DGKD: variants seen among roughly 807,000 people sequenced by gnomAD.
The protein encoded by DGKD is DAG kinase delta.
Under a neutral mutation model 154.4 loss-of-function variants are expected in DGKD, and 68 were observed. The ratio of observed to expected loss-of-function variants is 0.44; its 90% CI spans 0.36 to 0.54. The LOEUF (loss-of-function observed/expected upper bound fraction) is 0.54. DGKD is among the 20% of genes least tolerant of loss of function. DGKD has a pLI of 0.00. For missense variants in DGKD, 1,343 were observed against 1,593.6 expected (o/e 0.84, Z 2.68); for synonymous variants, 693 against 638.0 (o/e 1.09, Z -1.30).
intron 3 of DGKD, among the ~76,000 whole-genome samples, chr2:233,398,788 C>G (rs1277624568): frequency 6.6e-6 from 1 of 152,118 alleles, no homozygotes; most frequent in African/African-American, 2.4e-5. Context: ...CCACACCCGG[C>G]TAATTTTTGT....
At chr2:233,378,085 G>T (rs1221956148) in intron 1 of DGKD, among the ~76,000 whole-genome samples, 4 of 151,776 alleles carry the variant, frequency 2.6e-5, no homozygotes, top group Admixed American at 6.6e-5. Context: ...TGGACCACAG[G>T]TGTGCACCAC....
rs2063505790 is a variant in DGKD at position 233,457,744 on chromosome 2, A to T, written c.2580+416A>T. 5.4e-6 allele frequency: 2 copies of T among 373,022 alleles called. No homozygotes were observed. Among genetic ancestry groups the T allele is most frequent in the South Asian group, 4.0e-5 (2 of 49,584 alleles). The allele number at this position is 373,022 out of a possible 1,614,324, so 23.1% of individuals were successfully genotyped here. A position where few individuals can be genotyped will look rare whatever the true frequency, so the allele number is the denominator to read the frequency against. On this transcript the variant is annotated intron_variant, in intron 21 of 29. Transcript: ENST00000264057. The surrounding 1 kb of genome is among the most constrained non-coding windows in gnomAD (Gnocchi z 5.5). ...AGGGCAGGCACATGGAGGATGGGAG[A>T]GAGGTGCCCCGACTGCAGTGGGCAG...
intron 3 of DGKD, among the ~76,000 whole-genome samples, chr2:233,420,259 G>A (rs960654719): frequency 1.3e-5 from 2 of 152,126 alleles, no homozygotes; most frequent in East Asian, 1.9e-4. Context: ...TTAACCTTCC[G>A]TATGGCTAAA....
chr2:233,436,226 C>A (rs2125593887), intron 6 of DGKD, 90 bp from the exon 7 acceptor site: 1 of 1,579,260 alleles, frequency 6.3e-7, no homozygotes, highest in South Asian at 1.2e-5. Flanking sequence ...GGGAAGAATG[C>A]CTTGGCTGAG....
chr2:233,418,356 GC>G (rs1185638861), intron 3 of DGKD, among the ~76,000 whole-genome samples: 2 of 152,010 alleles, frequency 1.3e-5, no homozygotes, highest in African/African-American at 2.4e-5. Flanking sequence ...CCTGCCAGAG[GC>G]CCCCCCGCCA....
chr2:233,366,569 C>T (rs1702036728), intron 1 of DGKD, among the ~76,000 whole-genome samples: 1 of 152,144 alleles, frequency 6.6e-6, no homozygotes, highest in Non-Finnish European at 1.5e-5. Context: ...TATCCTGGAA[C>T]CTCTTATTCT....
At chr2:233,378,124 A>G (rs1369354016) in intron 1 of DGKD, among the ~76,000 whole-genome samples, 1 of 147,184 alleles carries the variant, frequency 6.8e-6, no homozygotes, top group African/African-American at 2.5e-5. Context: ...TTTTTTTTCT[A>G]AATTTGAGGC....
chr2:233,390,180 T>A (rs78999970), intron 2 of DGKD, among the ~76,000 whole-genome samples: 14,672 of 152,168 alleles, frequency 0.096, 974 homozygotes, highest in South Asian at 0.32. Context: ...TAGATTTTTT[T>A]AAAAAAATCA....
chr2:233,444,687 C>T (rs2063007171), intron 10 of DGKD, among the ~76,000 whole-genome samples: 1 of 148,994 alleles, frequency 6.7e-6, no homozygotes, highest in African/African-American at 2.5e-5. Flanking sequence ...CTGCTCGCTC[C>T]TGCCTCCCCT....
chr2:233,449,470 T>A lies in DGKD; in HGVS notation c.1888+94T>A, dbSNP rs2063197473. On this transcript the variant is annotated intron_variant, in intron 15 of 29. Transcript: ENST00000264057. This position sits in a 1 kb window ranked among gnomAD's most constrained non-coding sequence, Gnocchi z 5.3. ...CACGGAGATGACAGAAGGGTGCATG[T>A]TGAGAAAACCTCCACTGCGGCCCTC... 5.5e-6 allele frequency: 8 copies of A among 1,466,592 alleles called. No homozygotes were observed. Among genetic ancestry groups the A allele is most frequent in the Non-Finnish European group, 7.2e-6 (8 of 1,104,418 alleles). The allele number at this position is 1,466,592 out of a possible 1,614,324, so 90.8% of individuals were successfully genotyped here.
At chr2:233,454,490 T>C (rs2063392313) in intron 18 of DGKD, 1 of 497,876 alleles carries the variant, frequency 2.0e-6, no homozygotes, top group Non-Finnish European at 4.0e-6. Flanking sequence ...TAGTTGCTGA[T>C]GGCAGGAGTA....
intron 3 of DGKD, among the ~76,000 whole-genome samples, chr2:233,423,816 C>A (rs182860728): frequency 3.3e-5 from 5 of 152,140 alleles, no homozygotes; most frequent in Non-Finnish European, 7.3e-5. Context: ...ACCCACCCCC[C>A]CAGTATCCAT....
At chr2:233,386,071 G>A (rs994743512) in intron 1 of DGKD, 2 of 443,820 alleles carry the variant, frequency 4.5e-6, no homozygotes, top group South Asian at 1.6e-5. Flanking sequence ...TATGAGATGT[G>A]TAGCAGGAGA....
In DGKD at chr2:233,462,737, T is replaced by A; in HGVS notation, c.3186+2T>A. 6.2e-7 allele frequency: 1 copy of A among 1,612,732 alleles called. No individual in the cohort carries two copies. The highest frequency in any genetic ancestry group is 8.5e-7 in the Non-Finnish European group (1 of 1,179,352). ...CTGCTGTCTGGGAAGATGGCCCTGG[T>A]AAGCTGGTGCCCCAGGGACAGCAGG... On this transcript the variant is annotated splice_donor_variant, in intron 26 of 29. Transcript: ENST00000264057. LOFTEE classifies it high-confidence loss of function.
At chr2:233,402,270 TTGCAAGTGGG>T (rs933381590) in intron 3 of DGKD, among the ~76,000 whole-genome samples, 1 of 152,216 alleles carries the variant, frequency 6.6e-6, no homozygotes, top group Admixed American at 6.5e-5. Flanking sequence ...CCCCAGAAGT[TTGCAAGTGGG>T]TGCTTTTTCA....
At chr2:233,380,855 T>C (rs1224114552) in intron 1 of DGKD, among the ~76,000 whole-genome samples, 2 of 152,024 alleles carry the variant, frequency 1.3e-5, no homozygotes, top group East Asian at 1.9e-4. Context: ...TTCCTCACAT[T>C]AGTGGGGGCA....
intron 3 of DGKD, among the ~76,000 whole-genome samples, chr2:233,394,921 G>T (rs1004298675): frequency 6.6e-6 from 1 of 151,594 alleles, no homozygotes; most frequent in Non-Finnish European, 1.5e-5. Flanking sequence ...GCCTTGGCTG[G>T]TCTCTAACTT....
In DGKD at chr2:233,445,535, C is replaced by T. The variant is rs2063036608; in HGVS notation, c.1195-88C>T. 9 of 1,498,184 alleles carry T rather than the reference C, an allele frequency of 6.0e-6. No individual in the cohort carries two copies. The highest frequency in any genetic ancestry group is 8.0e-6 in the Non-Finnish European group (9 of 1,120,896). The allele number at this position is 1,498,184 out of a possible 1,614,324, so 92.8% of individuals were successfully genotyped here. On this transcript the variant is annotated intron_variant, in intron 10 of 29. Coordinates refer to ENST00000264057, the MANE Select transcript of DGKD (RefSeq NM_152879.3). The surrounding 1 kb of genome is among the most constrained non-coding windows in gnomAD (Gnocchi z 5.5). ...GTCCCCACATTGCTAACGTAACCCTCACGGTGGGGGACAAGGAGGGCTGCG... is the reference window on the plus strand; with the variant it reads ...GTCCCCACATTGCTAACGTAACCCTTACGGTGGGGGACAAGGAGGGCTGCG...
At chr2:233,462,790 G>A (rs1420101590) in intron 26 of DGKD, 55 bp downstream of exon 26, 4 of 1,501,692 alleles carry the variant, frequency 2.7e-6, no homozygotes, top group Non-Finnish European at 3.7e-6. Flanking sequence ...AACGACTGCT[G>A]TCGCCAGGTT....
Sources: allele counts gnomAD v4.1 joint callset (sites outside exome capture counted in the v4.1 genomes callset), GRCh38; gene constraint gnomAD v4.1.1; non-coding constraint Gnocchi (gnomAD v3.1); transcripts MANE v1.5; gene names NCBI Gene and HGNC (gene_info 2026-07-23, HGNC 2026-07-21).